The following COL23A1 variants were observed in gnomAD, a reference collection of about 807,000 sequenced individuals.
The protein encoded by COL23A1 is collagen type XXIII alpha 1 chain.
A neutral mutation model predicts 99.3 loss-of-function variants in COL23A1; 97 were observed. The ratio of observed to expected loss-of-function variants is 0.98; its 90% confidence interval spans 0.83 to 1.16. COL23A1 has a LOEUF of 1.16. Among genes scored for constraint, COL23A1 ranks in the 50% most tolerant of loss-of-function variants. The pLI is 0.00. For synonymous variants in COL23A1, 320 were observed against 308.2 expected (o/e 1.04, Z -0.40); for missense variants, 762 against 757.4 (o/e 1.01, Z -0.07).
intron 2 of COL23A1, among the ~76,000 whole-genome samples, chr5:178,480,258 A>G (rs962798000): frequency 1.3e-5 from 2 of 152,214 alleles, no homozygotes; most frequent in African/African-American, 4.8e-5. Context: ...TTATTCTCCA[A>G]ACCAAACCAA....
chr5:178,541,175 C>A (rs1367394554), intron 2 of COL23A1, among the ~76,000 whole-genome samples: 1 of 152,132 alleles, frequency 6.6e-6, no homozygotes, highest in Admixed American at 6.5e-5. Flanking sequence ...GATCCAAAAA[C>A]AGACCTACAA....
intron 2 of COL23A1, among the ~76,000 whole-genome samples, chr5:178,526,569 A>C (rs1384357276): frequency 6.6e-6 from 1 of 152,138 alleles, no homozygotes; most frequent in East Asian, 1.9e-4. Context: ...ATTCTCTTTG[A>C]ACTGGCTGAA....
intron 2 of COL23A1, among the ~76,000 whole-genome samples, chr5:178,348,376 C>T (rs890066002): frequency 6.6e-6 from 1 of 152,222 alleles, no homozygotes; most frequent in Non-Finnish European, 1.5e-5. Flanking sequence ...ACACCTCAGG[C>T]AGAAGGCCAC....
At chr5:178,432,621 C>A (rs1255888235) in intron 2 of COL23A1, among the ~76,000 whole-genome samples, 1 of 152,110 alleles carries the variant, frequency 6.6e-6, no homozygotes, top group African/African-American at 2.4e-5. Context: ...GCAGACTGAG[C>A]GAGGCCTCAG....
chr5:178,460,494 T>C (rs939237760), intron 2 of COL23A1, among the ~76,000 whole-genome samples: 2 of 152,038 alleles, frequency 1.3e-5, no homozygotes, highest in African/African-American at 4.8e-5. Context: ...GGAAACATCA[T>C]CTGGGCTCTC....
At chr5:178,494,443 G>A (rs1224603644) in intron 2 of COL23A1, among the ~76,000 whole-genome samples, 2 of 152,180 alleles carry the variant, frequency 1.3e-5, no homozygotes, top group South Asian at 2.1e-4. Context: ...TTGGGAGGCC[G>A]AGGCAGGCGG....
intron 2 of COL23A1, among the ~76,000 whole-genome samples, chr5:178,352,761 T>C (rs1761400576): frequency 6.6e-6 from 1 of 152,158 alleles, no homozygotes; most frequent in Non-Finnish European, 1.5e-5. Flanking sequence ...AGGTACAAGA[T>C]GAGATAAACA....
intron 2 of COL23A1, among the ~76,000 whole-genome samples, chr5:178,464,634 G>A (rs764778345): frequency 2.0e-5 from 3 of 152,192 alleles, no homozygotes; most frequent in Non-Finnish European, 4.4e-5. Context: ...CAGGAAAGCC[G>A]GCTCCGTGCT....
At position 178,281,044 on chromosome 5, in the gene COL23A1, T is replaced by C. The variant is rs1007531073; in HGVS notation, c.441+7280A>G. ...GCCCTGGGGAGAACGGCCAGCATGG[T>C]GGCCCTGGTTGCATCTCCCTGAGGT... On this transcript the variant is annotated intron_variant, in intron 5 of 28. Transcript: ENST00000390654. The surrounding 1 kb of genome is among the most constrained non-coding windows in gnomAD (Gnocchi z 4.0). 1.3e-5 allele frequency among the ~76,000 whole-genome samples: 2 copies of C among 152,124 alleles called. No homozygotes were observed. Among genetic ancestry groups the C allele is most frequent in the African/African-American group, 4.8e-5 (2 of 41,408 alleles).
chr5:178,242,535 C>T, intron 25 of COL23A1, 141 bp from the exon 26 acceptor site: 1 of 789,068 alleles, frequency 1.3e-6, no homozygotes, highest in Non-Finnish European at 2.1e-6. Context: ...CTAGCCCTAG[C>T]TGTAGGTGAT....
intron 2 of COL23A1, among the ~76,000 whole-genome samples, chr5:178,443,660 G>A (rs908449961): frequency 1.3e-5 from 2 of 150,432 alleles, no homozygotes; most frequent in African/African-American, 4.9e-5. Flanking sequence ...GTTTCACCAT[G>A]TTGGCCAGAC....
intron 2 of COL23A1, among the ~76,000 whole-genome samples, chr5:178,452,469 G>A (rs1035329254): frequency 1.3e-5 from 2 of 152,162 alleles, no homozygotes; most frequent in Non-Finnish European, 2.9e-5. Flanking sequence ...GGAACCATAA[G>A]AGAAAAGACT....
At chr5:178,385,356 C>T (rs958509324) in intron 2 of COL23A1, among the ~76,000 whole-genome samples, 1 of 152,202 alleles carries the variant, frequency 6.6e-6, no homozygotes, top group Non-Finnish European at 1.5e-5. Flanking sequence ...TATCAAACAC[C>T]ACCCCCACAG....
intron 2 of COL23A1, among the ~76,000 whole-genome samples, chr5:178,503,878 G>C (rs1279881254): frequency 6.6e-6 from 1 of 152,144 alleles, no homozygotes; most frequent in Admixed American, 6.5e-5. Context: ...AAGGCGGAGC[G>C]GGCAGAGCCC....
chr5:178,286,222 G>A (rs1040658031), intron 5 of COL23A1, among the ~76,000 whole-genome samples: 3 of 152,122 alleles, frequency 2.0e-5, no homozygotes, highest in Non-Finnish European at 4.4e-5. Context: ...GCCTGCTCAG[G>A]CCTCCCAGTG....
chr5:178,477,037 G>C (rs1757067642), intron 2 of COL23A1, among the ~76,000 whole-genome samples: 1 of 152,194 alleles, frequency 6.6e-6, no homozygotes, highest in Non-Finnish European at 1.5e-5. Context: ...CCCTATAGTA[G>C]GGTTAACAGA....
rs143892509 is a variant in COL23A1 at position 178,512,096 on chromosome 5, C to T, written c.361+48586G>A. On this transcript the variant is annotated intron_variant, in intron 2 of 28. Transcript: ENST00000390654. ...GTTATACGGAAATGGGATATATGAA[C>T]AAATGTGTATGAACATGGCTCTTCA... Among the ~76,000 whole-genome samples the T allele has an allele frequency of 2.9e-3, 441 of 152,280 alleles. 3 individuals carry two copies. Among genetic ancestry groups the T allele is most frequent in the African/African-American group, 9.5e-3 (396 of 41,552 alleles).
intron 25 of COL23A1, among the ~76,000 whole-genome samples, chr5:178,243,772 C>T (rs1375666296): frequency 6.6e-6 from 1 of 152,156 alleles, no homozygotes; most frequent in Non-Finnish European, 1.5e-5. Flanking sequence ...TTTGAGATGC[C>T]ACCCTGAGAA....
chr5:178,479,890 A>T (rs141872151), intron 2 of COL23A1, among the ~76,000 whole-genome samples: 3 of 152,294 alleles, frequency 2.0e-5, no homozygotes, highest in South Asian at 2.1e-4. Flanking sequence ...GAATGAACTT[A>T]CACAAACCTA....
Sources: allele counts gnomAD v4.1 joint callset (sites outside exome capture counted in the v4.1 genomes callset), GRCh38; gene constraint gnomAD v4.1.1; non-coding constraint Gnocchi (gnomAD v3.1); transcripts MANE v1.5; gene names NCBI Gene and HGNC (gene_info 2026-07-23, HGNC 2026-07-21).